The following STARD13 variants were observed in gnomAD, a reference collection of about 807,000 sequenced individuals.
STARD13 encodes stAR-related lipid transfer protein 13.
A neutral mutation model predicts 106.4 loss-of-function variants in STARD13; 62 were observed. The ratio of observed to expected loss-of-function variants is 0.58; its 90% CI spans 0.48 to 0.72. The LOEUF is 0.72. Among genes scored for constraint, STARD13 ranks in the 30% least tolerant of loss-of-function variants. STARD13 has a pLI of 0.00. For synonymous variants in STARD13, 565 were observed against 553.0 expected (o/e 1.02, Z -0.31); for missense variants, 1,387 against 1,424.0 (o/e 0.97, Z 0.42).
At chr13:33,622,309 T>C in the STARD13 span, among the ~76,000 whole-genome samples, 1 of 152,038 alleles carries the variant, frequency 6.6e-6, no homozygotes. Flanking sequence ...TCTAACACTT[T>C]AATCTAGTAA....
intron 1 of STARD13, among the ~76,000 whole-genome samples, chr13:33,178,545 G>C (rs1884933328): frequency 6.6e-6 from 1 of 152,132 alleles, no homozygotes; most frequent in Non-Finnish European, 1.5e-5. Context: ...ATTCCAAATG[G>C]AAGTTTATTC....
At chr13:33,282,577 T>G (rs192838824) in intron 1 of STARD13, among the ~76,000 whole-genome samples, 3 of 152,306 alleles carry the variant, frequency 2.0e-5, no homozygotes, top group Admixed American at 2.0e-4. Flanking sequence ...AATGATGTCT[T>G]AAATCAAATT....
chr13:33,406,285 A>G, the STARD13 span, among the ~76,000 whole-genome samples: 2 of 152,268 alleles, frequency 1.3e-5, no homozygotes, highest in Non-Finnish European at 2.9e-5. Flanking sequence ...TTTGCAGAAA[A>G]AAAACCTCTT....
the STARD13 span, among the ~76,000 whole-genome samples, chr13:33,632,214 T>A: frequency 1.7e-4 from 26 of 152,272 alleles, no homozygotes; most frequent in Middle Eastern, 3.4e-3. Context: ...AGACATGAAC[T>A]CTTGAGCTCT....
At chr13:33,123,321 A>G (rs1876658958) in intron 7 of STARD13, among the ~76,000 whole-genome samples, 2 of 152,184 alleles carry the variant, frequency 1.3e-5, no homozygotes, top group Admixed American at 6.5e-5. Flanking sequence ...CCCTCTTGGC[A>G]TCCTGTTTAT....
At position 33,103,775 on chromosome 13, in the gene STARD13, GA is replaced by G. The variant is rs1873368546; in HGVS notation, c.*1817del. Reference sequence around the variant, plus strand: ...CAGGAGCAGGACCAGTGTTTAGCTAGATTAAACTTCACTGGTGATCTTGTTG... The same window carrying G: ...CAGGAGCAGGACCAGTGTTTAGCTAGTTAAACTTCACTGGTGATCTTGTTG... On this transcript the variant is annotated 3_prime_UTR_variant, in exon 14 of 14. Coordinates refer to ENST00000336934, the MANE Select transcript of STARD13 (RefSeq NM_178006.4). The G allele has an allele frequency of 6.6e-6, 1 of 152,248 alleles. No individual in the cohort carries two copies. Among genetic ancestry groups the G allele is most frequent in the Non-Finnish European group, 1.5e-5 (1 of 68,036 alleles). The allele number at this position is 152,248 out of a possible 1,614,324, so 9.4% of individuals were successfully genotyped here. A position where few individuals can be genotyped will look rare whatever the true frequency, so the allele number is the denominator to read the frequency against.
At chr13:33,466,084 T>A in the STARD13 span, among the ~76,000 whole-genome samples, 1 of 152,196 alleles carries the variant, frequency 6.6e-6, no homozygotes, top group Admixed American at 6.5e-5. Context: ...GTGGCTGGTA[T>A]GAGGATTAGT....
the STARD13 span, among the ~76,000 whole-genome samples, chr13:33,597,747 G>A: frequency 6.6e-6 from 1 of 151,778 alleles, no homozygotes; most frequent in Non-Finnish European, 1.5e-5. Flanking sequence ...CCAGCTATTC[G>A]GGAGGCAGAG....
chr13:33,653,681 A>G, the STARD13 span, among the ~76,000 whole-genome samples: 1 of 148,264 alleles, frequency 6.7e-6, no homozygotes, highest in South Asian at 2.1e-4. Context: ...GATCAATTGG[A>G]TTTTATGAAA....
chr13:33,173,264 T>C (rs2138404734), intron 1 of STARD13, among the ~76,000 whole-genome samples: 1 of 152,350 alleles, frequency 6.6e-6, no homozygotes, highest in East Asian at 1.9e-4. Context: ...GACTCCTTTG[T>C]CTTCAGACAG....
the STARD13 span, among the ~76,000 whole-genome samples, chr13:33,501,864 C>A: frequency 6.6e-6 from 1 of 150,974 alleles, no homozygotes; most frequent in Non-Finnish European, 1.5e-5. Flanking sequence ...AATGCAGGCT[C>A]TTTTTTTTTG....
chr13:33,286,891 T>TAC (rs566982274), upstream of STARD13, among the ~76,000 whole-genome samples: 60 of 152,210 alleles, frequency 3.9e-4, 1 homozygote, highest in South Asian at 1.0e-2. Context: ...TGTATATATA[T>TAC]GTGTATATAT....
chr13:33,105,869 A>T (rs1312465888), intron 13 of STARD13, among the ~76,000 whole-genome samples, 159 bp from the exon 14 acceptor site: 2 of 152,274 alleles, frequency 1.3e-5, no homozygotes, highest in Admixed American at 1.3e-4. Flanking sequence ...TTCTGCCATC[A>T]GGGGCCTTGA....
At chr13:33,239,244 G>T (rs1167095953) in intron 1 of STARD13, among the ~76,000 whole-genome samples, 1 of 152,096 alleles carries the variant, frequency 6.6e-6, no homozygotes, top group East Asian at 1.9e-4. Context: ...TCTACTTTAT[G>T]TATATACCAC....
chr13:33,531,279 A>C, the STARD13 span, among the ~76,000 whole-genome samples: 1 of 152,340 alleles, frequency 6.6e-6, no homozygotes, highest in East Asian at 1.9e-4. Flanking sequence ...TGTCTTTATC[A>C]GCAGTGTTGA....
chr13:33,285,864 G>T, upstream of STARD13: 1 of 1,060,698 alleles, frequency 9.4e-7, no homozygotes, highest in Non-Finnish European at 1.3e-6. Flanking sequence ...AACGTTTGCA[G>T]TCAGCCCTAA....
chr13:33,240,986 A>T (rs1369556823), intron 1 of STARD13, among the ~76,000 whole-genome samples: 1 of 152,138 alleles, frequency 6.6e-6, no homozygotes, highest in Non-Finnish European at 1.5e-5. Context: ...ATTGTTTTCT[A>T]CATATAAGAT....
the STARD13 span, among the ~76,000 whole-genome samples, chr13:33,614,327 T>C: frequency 6.8e-6 from 1 of 148,052 alleles, no homozygotes; most frequent in Admixed American, 6.8e-5. Context: ...GAGTCTTTCC[T>C]ACTGTCTGTG....
At chr13:33,431,002 G>A in the STARD13 span, among the ~76,000 whole-genome samples, 4 of 152,154 alleles carry the variant, frequency 2.6e-5, no homozygotes, top group African/African-American at 9.6e-5. Context: ...TACTATTCTA[G>A]ATTAGTAGGT....
Sources: allele counts gnomAD v4.1 joint callset (sites outside exome capture counted in the v4.1 genomes callset), GRCh38; gene constraint gnomAD v4.1.1; transcripts MANE v1.5; gene names NCBI Gene and HGNC (gene_info 2026-07-23, HGNC 2026-07-21).